MINDY2: variants seen among roughly 807,000 people sequenced by gnomAD.
MINDY2 encodes ubiquitin carboxyl-terminal hydrolase MINDY-2.
Under a neutral mutation model 68.2 loss-of-function variants are expected in MINDY2, and 52 were observed. The observed-to-expected ratio is 0.76, with a 90% CI of 0.61 to 0.96. MINDY2 has a LOEUF of 0.96. Ranked by LOEUF, MINDY2 falls within the 40% of genes least tolerant of loss-of-function variation. MINDY2 has a pLI of 0.00. For missense variants in MINDY2, 881 were observed against 773.4 expected (o/e 1.14, Z -1.65); for synonymous variants, 372 against 303.0 (o/e 1.23, Z -2.36).
intron 6 of MINDY2, among the ~76,000 whole-genome samples, chr15:58,844,745 C>T (rs1374058075): frequency 6.6e-6 from 1 of 150,854 alleles, no homozygotes; most frequent in African/African-American, 2.4e-5. Flanking sequence ...GGTGAAACTC[C>T]ATCTCTACTA....
intron 4 of MINDY2, among the ~76,000 whole-genome samples, chr15:58,813,694 TCCCAA>T (rs1352994900): frequency 6.6e-6 from 1 of 151,644 alleles, no homozygotes; most frequent in Non-Finnish European, 1.5e-5. Context: ...TGCCGCAGCC[TCCCAA>T]GTAGCTGGGA....
chr15:58,801,703 G>A (rs914611292), intron 2 of MINDY2, among the ~76,000 whole-genome samples: 5 of 152,048 alleles, frequency 3.3e-5, no homozygotes, highest in Non-Finnish European at 7.4e-5. Context: ...GCAGTGGCGC[G>A]ATCTCGGCTC....
chr15:58,781,858 T>A (rs484952), intron 1 of MINDY2, among the ~76,000 whole-genome samples: 1 of 151,712 alleles, frequency 6.6e-6, no homozygotes, highest in Non-Finnish European at 1.5e-5. Context: ...GCCAAGATCG[T>A]GCCACTGCAC....
intron 3 of MINDY2, among the ~76,000 whole-genome samples, chr15:58,804,279 C>G (rs1220011265): frequency 6.6e-6 from 1 of 152,136 alleles, no homozygotes; most frequent in Non-Finnish European, 1.5e-5. Context: ...CTCATCCCAG[C>G]TTCCAATATA....
chr15:58,833,243 C>T (rs2031829122), intron 6 of MINDY2, among the ~76,000 whole-genome samples: 1 of 152,064 alleles, frequency 6.6e-6, no homozygotes, highest in South Asian at 2.1e-4. Context: ...TTCTATTTGC[C>T]AACACTTTAC....
Position 58,772,046 on chromosome 15 carries a change from G to A in MINDY2, c.651G>A (p.Leu217=), listed in dbSNP as rs765902781. The change falls in exon 1 of 9, where the codon CTG becomes CTA. Residue 217 remains leucine (L), a synonymous_variant. Coordinates refer to ENST00000559228, the MANE Select transcript of MINDY2 (RefSeq NM_001040450.3). ...CGGTGTTGCCCGGGGCTGTTCCTCT[G>A]TGCAAGGAGGAGGAGGGGGAGGAGA... is the stretch of plus-strand genomic sequence containing the variant. ...GAAVLPGAVP[L]CKEEEGEETA... The A allele has an allele frequency of 5.0e-6, 8 of 1,608,902 alleles. No individual in the cohort carries two copies. In the East Asian group the frequency reaches 6.7e-5, roughly 13 times the overall value.
chr15:58,822,251 CAA>C (rs1396696177), intron 5 of MINDY2, among the ~76,000 whole-genome samples: 29 of 127,294 alleles, frequency 2.3e-4, no homozygotes, highest in African/African-American at 2.0e-4. Context: ...GACTCTGTAT[CAA>C]AAAAAAAAAA....
rs1364877382 is a variant in MINDY2 at position 58,861,074 on chromosome 15, A to C, written c.*6464A>C. The C allele has an allele frequency of 1.3e-5, 2 of 152,230 alleles. No homozygotes were observed. The highest frequency in any genetic ancestry group is 2.9e-5 in the Non-Finnish European group (2 of 68,046). 9.4% of individuals were successfully genotyped at this position (152,230 alleles called of 1,614,324 possible). A position where few individuals can be genotyped will look rare whatever the true frequency, so the allele number is the denominator to read the frequency against. On this transcript the variant is annotated 3_prime_UTR_variant, in exon 9 of 9. Coordinates refer to ENST00000559228, the MANE Select transcript of MINDY2 (RefSeq NM_001040450.3). ...TGTTTGCTTGTGAAACTTCAGAGGT[A>C]CCCTGAAAGTCATTTCCTAAAGCTA...
intron 7 of MINDY2, among the ~76,000 whole-genome samples, chr15:58,851,543 A>G (rs528179164): frequency 2.0e-4 from 31 of 151,964 alleles, no homozygotes; most frequent in African/African-American, 6.8e-4. Flanking sequence ...GGCTGAAGCA[A>G]TCCTCCTGCC....
intron 4 of MINDY2, among the ~76,000 whole-genome samples, chr15:58,820,637 C>G (rs1196900460): frequency 6.6e-6 from 1 of 152,074 alleles, no homozygotes; most frequent in African/African-American, 2.4e-5. Context: ...TGGTGGTTCT[C>G]AAACTTCGCT....
intron 5 of MINDY2, among the ~76,000 whole-genome samples, 154 bp from the exon 6 acceptor site, chr15:58,831,620 A>T (rs2031730670): frequency 6.6e-6 from 1 of 152,248 alleles, no homozygotes; most frequent in South Asian, 2.1e-4. Context: ...AATTAAAAAC[A>T]CAAATGTCCA....
At chr15:58,801,146 G>A (rs534678288) in intron 2 of MINDY2, among the ~76,000 whole-genome samples, 11 of 151,800 alleles carry the variant, frequency 7.2e-5, no homozygotes, top group Non-Finnish European at 1.3e-4. Context: ...GCTAATTTTT[G>A]TATTTTTACT....
intron 1 of MINDY2, among the ~76,000 whole-genome samples, chr15:58,782,756 C>T (rs530663139): frequency 6.6e-6 from 1 of 151,350 alleles, no homozygotes; most frequent in Non-Finnish European, 1.5e-5. Context: ...CATCACAGTA[C>T]TTCTACTTAC....
At chr15:58,786,092 T>C (rs1016462366) in intron 1 of MINDY2, among the ~76,000 whole-genome samples, 3 of 152,234 alleles carry the variant, frequency 2.0e-5, no homozygotes, top group African/African-American at 7.2e-5. Flanking sequence ...AATATAACTA[T>C]TGACTGTCAT....
rs147085482 is a variant in MINDY2, at chr15:58,848,727, C to A, written c.1542+1257C>A. On this transcript the variant is annotated intron_variant, in intron 7 of 8. Coordinates refer to ENST00000559228, the MANE Select transcript of MINDY2 (RefSeq NM_001040450.3). The stretch of plus-strand genomic sequence containing the variant: ...TGCCACTGCACTCCAGCCTGGGCAA[C>A]AGAGCGAGACTCCATCTCAAAACAA... 1.9e-3 allele frequency among the ~76,000 whole-genome samples: 285 copies of A among 152,262 alleles called. 1 individual carries two copies. The highest frequency in any genetic ancestry group is 6.7e-3 in the African/African-American group (277 of 41,538).
chr15:58,796,178 G>A, intron 2 of MINDY2: 1 of 455,378 alleles, frequency 2.2e-6, no homozygotes, highest in Non-Finnish European at 4.4e-6. Flanking sequence ...TAAGGAGTAG[G>A]AAAAGGCTTA....
chr15:58,844,993 T>G (rs1398192019), intron 6 of MINDY2, among the ~76,000 whole-genome samples: 2 of 148,712 alleles, frequency 1.3e-5, no homozygotes, highest in African/African-American at 5.0e-5. Flanking sequence ...ACTACCTATG[T>G]GACAAGGGAT....
intron 6 of MINDY2, among the ~76,000 whole-genome samples, chr15:58,839,151 C>T (rs1251737315): frequency 6.6e-6 from 1 of 151,496 alleles, no homozygotes; most frequent in Non-Finnish European, 1.5e-5. Context: ...TTTTGTCATC[C>T]AGAGTCTTTT....
At chr15:58,811,849 A>T (rs2030298694) in intron 4 of MINDY2, among the ~76,000 whole-genome samples, 1 of 152,186 alleles carries the variant, frequency 6.6e-6, no homozygotes, top group African/African-American at 2.4e-5. Context: ...ACTGTAACAT[A>T]CTAAATTTTT....
Sources: gnomAD v4.1 joint callset for allele counts (sites outside exome capture counted in the v4.1 genomes callset) on GRCh38, gnomAD v4.1.1 for gene constraint, MANE v1.5 for transcripts, NCBI Gene and HGNC (gene_info 2026-07-23, HGNC 2026-07-21) for gene names.